The following WDR72 variants were observed in gnomAD, a reference collection of about 807,000 sequenced individuals.
WDR72 encodes WD repeat domain 72.
A neutral mutation model predicts 124.2 loss-of-function variants in WDR72; 120 were observed. The observed-to-expected ratio is 0.97, with a 90% confidence interval of 0.83 to 1.12. The LOEUF is 1.12. Among genes scored for constraint, WDR72 ranks in the 50% most tolerant of loss-of-function variants. The probability of loss-of-function intolerance (pLI) is 0.00; values close to 1 mark genes in which losing one functional copy is unlikely to be tolerated. For missense variants in WDR72, 1,387 were observed against 1,278.8 expected (o/e 1.08, Z -1.29); for synonymous variants, 452 against 441.7 (o/e 1.02, Z -0.29).
intron 13 of WDR72, among the ~76,000 whole-genome samples, chr15:53,671,995 G>A (rs945447689): frequency 2.6e-5 from 4 of 151,934 alleles, no homozygotes; most frequent in African/African-American, 9.7e-5. Flanking sequence ...GAGGGAGAGA[G>A]CGAGAGAGAG....
intron 1 of WDR72, among the ~76,000 whole-genome samples, chr15:53,752,131 G>A (rs1288238757): frequency 6.6e-6 from 1 of 152,078 alleles, no homozygotes; most frequent in African/African-American, 2.4e-5. Flanking sequence ...AATTAAGTAG[G>A]AGAGATAAAG....
At chr15:53,701,353 G>A (rs963870862) in intron 12 of WDR72, among the ~76,000 whole-genome samples, 19 of 152,052 alleles carry the variant, frequency 1.2e-4, no homozygotes, top group Non-Finnish European at 2.4e-4. Context: ...ACCAGCCTGG[G>A]CAACAAAGCA....
Position 53,705,160 on chromosome 15 carries a change from A to C in WDR72, c.1176T>G (p.Ile392Met), listed in dbSNP as rs752734377. The change falls in exon 11 of 20, where the codon ATT becomes ATG. Residue 392 changes from isoleucine to methionine, a missense_variant. By Grantham distance (10) the Ile-to-Met change is conservative (BLOSUM62 1). Coordinates refer to ENST00000360509, the MANE Select transcript of WDR72 (RefSeq NM_182758.4). ...CATCTTTAAGCCCAGAGAAATAGTC[A>C]ATAATACTTTGTGACATAGTATCAT... ...DKHDTMSQSI[I>M]DYFSGLKDGA... 22 of 1,614,012 alleles carry C rather than the reference A, an allele frequency of 1.4e-5. No homozygotes were observed. Among genetic ancestry groups the C allele is most frequent in the Non-Finnish European group, 1.8e-5 (21 of 1,180,022 alleles).
chr15:53,746,156 G>A (rs978844369), intron 1 of WDR72, among the ~76,000 whole-genome samples: 8 of 152,068 alleles, frequency 5.3e-5, no homozygotes, highest in Admixed American at 1.3e-4. Context: ...AGGACAACAC[G>A]CCATTACAGC....
chr15:53,720,144 A>G (rs2017834669), intron 3 of WDR72, among the ~76,000 whole-genome samples: 5 of 152,108 alleles, frequency 3.3e-5, no homozygotes, highest in Admixed American at 3.3e-4. Context: ...CATTTTTTTA[A>G]TTAAAAGTTA....
At chr15:53,560,812 A>G (rs1202503664) in intron 18 of WDR72, among the ~76,000 whole-genome samples, 2 of 151,760 alleles carry the variant, frequency 1.3e-5, no homozygotes, top group Admixed American at 1.3e-4. Context: ...AAATAACCAC[A>G]CTGCATTCTT....
chr15:53,696,822 G>A lies in WDR72; in HGVS notation c.1765+2928C>T, dbSNP rs544039870. 9.2e-5 allele frequency among the ~76,000 whole-genome samples: 14 copies of A among 152,276 alleles called. 1 individual carries two copies. Among genetic ancestry groups the A allele is most frequent in the African/African-American group, 3.1e-4 (13 of 41,572 alleles). On this transcript the variant is annotated intron_variant, in intron 13 of 19. Coordinates refer to ENST00000360509, the MANE Select transcript of WDR72 (RefSeq NM_182758.4). ...ACACAACAAAGGCAATACCCAACAC[G>A]AGAATAAAGGAACAGCATAAACTTA...
chr15:53,518,683 A>G (rs1182020387), intron 19 of WDR72, among the ~76,000 whole-genome samples: 1 of 151,686 alleles, frequency 6.6e-6, no homozygotes, highest in Non-Finnish European at 1.5e-5. Flanking sequence ...ATCATCAGCC[A>G]TCTCCAACAC....
intron 14 of WDR72, among the ~76,000 whole-genome samples, chr15:53,629,103 C>T (rs1338813090): frequency 2.6e-5 from 4 of 151,870 alleles, no homozygotes; most frequent in Admixed American, 6.6e-5. Context: ...TAATGCAGTC[C>T]AGGTACCATT....
chr15:53,706,564 G>T (rs1220236365), intron 9 of WDR72, among the ~76,000 whole-genome samples: 3 of 151,408 alleles, frequency 2.0e-5, no homozygotes, highest in Non-Finnish European at 4.4e-5. Context: ...TGGGCTTTGA[G>T]TCCAGTCATT....
chr15:53,731,142 C>T (rs1472717292), intron 2 of WDR72, among the ~76,000 whole-genome samples: 1 of 152,132 alleles, frequency 6.6e-6, no homozygotes, highest in Non-Finnish European at 1.5e-5. Flanking sequence ...ATCCCATCCC[C>T]AACTTAAATC....
chr15:53,627,622 G>A (rs1210059201), intron 14 of WDR72, among the ~76,000 whole-genome samples: 1 of 152,088 alleles, frequency 6.6e-6, no homozygotes, highest in Non-Finnish European at 1.5e-5. Flanking sequence ...GTATAAGTTA[G>A]GCCTGTGGAA....
At chr15:53,727,154 A>C (rs2018064132) in intron 2 of WDR72, among the ~76,000 whole-genome samples, 1 of 151,434 alleles carries the variant, frequency 6.6e-6, no homozygotes, top group Non-Finnish European at 1.5e-5. Flanking sequence ...TCTATTAAAA[A>C]TACAAAAATT....
Position 53,597,143 on chromosome 15 carries a change from C to T in WDR72, c.3084G>A (p.Leu1028=). ...GTTCTTCTGTCCATTCCAGCTTTGG[C>T]AGCATCTGCTTCATCTCACAGTTAC... ...ENGNCEMKQM[L]PKLEWTEELE... Residue 1028 remains leucine, a synonymous_variant, in exon 18 of 20, where the codon CTG becomes CTA. Transcript: ENST00000360509. 2.5e-6 allele frequency: 4 copies of T among 1,613,930 alleles called. No homozygotes were observed. The highest frequency in any genetic ancestry group is 3.4e-6 in the Non-Finnish European group (4 of 1,179,892).
chr15:53,699,175 T>C (rs1015313845), intron 13 of WDR72, among the ~76,000 whole-genome samples: 2 of 152,218 alleles, frequency 1.3e-5, no homozygotes, highest in Non-Finnish European at 1.5e-5. Context: ...ATTTGATATG[T>C]TCCAGCATTT....
intron 18 of WDR72, among the ~76,000 whole-genome samples, chr15:53,530,886 C>G (rs1892420468): frequency 6.6e-6 from 1 of 152,026 alleles, no homozygotes; most frequent in Non-Finnish European, 1.5e-5. Flanking sequence ...AGAGCAGCAA[C>G]CTTTCCACAG....
At chr15:53,540,953 A>C (rs1380836976) in intron 18 of WDR72, 1 of 156,946 alleles carries the variant, frequency 6.4e-6, no homozygotes, top group African/African-American at 2.4e-5. Flanking sequence ...AAAACGGCGC[A>C]CCACGAGATT....
chr15:53,733,497 C>A (rs2018264206), intron 1 of WDR72, among the ~76,000 whole-genome samples: 1 of 152,158 alleles, frequency 6.6e-6, no homozygotes, highest in African/African-American at 2.4e-5. Context: ...TCTCAAGAAG[C>A]ATAGAGCTGT....
chr15:53,633,807 C>T (rs1325642206), intron 14 of WDR72, among the ~76,000 whole-genome samples: 2 of 152,228 alleles, frequency 1.3e-5, no homozygotes, highest in African/African-American at 2.4e-5. Flanking sequence ...AACAACATTA[C>T]CTGCATTTAT....
Sources: gnomAD v4.1 joint callset for allele counts (sites outside exome capture counted in the v4.1 genomes callset) on GRCh38, gnomAD v4.1.1 for gene constraint, MANE v1.5 for transcripts, NCBI Gene and HGNC (gene_info 2026-07-23, HGNC 2026-07-21) for gene names.